PDZD2: variants seen among roughly 807,000 people sequenced by gnomAD.
PDZD2 encodes the protein PDZ domain-containing protein 2.
PDZD2 carries 90 observed loss-of-function variants against 220.7 expected under a neutral mutation model. That is an observed-to-expected ratio of 0.41 (90% CI 0.34 to 0.49). PDZD2 has a LOEUF of 0.49. Ranked by LOEUF, PDZD2 falls within the 20% of genes least tolerant of loss-of-function variation. The probability of loss-of-function intolerance (pLI) is 0.28; values close to 1 mark genes in which losing one functional copy is unlikely to be tolerated. For synonymous variants in PDZD2, 1,375 were observed against 1,450.5 expected, an observed-to-expected ratio of 0.95 and a Z score of 1.18; for missense variants, 3,174 against 3,608.5, an observed-to-expected ratio of 0.88 and a Z score of 3.08.
chr5:31,851,084 G>C (rs1392878239), intron 2 of PDZD2, among the ~76,000 whole-genome samples: 2 of 151,812 alleles, frequency 1.3e-5, no homozygotes, highest in Non-Finnish European at 2.9e-5. Context: ...TTTCACTCTA[G>C]ACTAAACAAC....
chr5:31,815,572 T>TAAA (rs1755399073), intron 2 of PDZD2, among the ~76,000 whole-genome samples: 1 of 152,182 alleles, frequency 6.6e-6, no homozygotes, highest in South Asian at 2.1e-4. Flanking sequence ...GTCTCTATCT[T>TAAA]AATGTTAACG....
intron 1 of PDZD2, among the ~76,000 whole-genome samples, chr5:31,663,245 G>GA (rs1745853813): frequency 6.6e-6 from 1 of 152,174 alleles, no homozygotes; most frequent in Non-Finnish European, 1.5e-5. Context: ...CACTGATGAT[G>GA]ATTTCTTCCT....
At chr5:31,908,535 C>A (rs897385388) in intron 2 of PDZD2, 2 of 1,058,830 alleles carry the variant, frequency 1.9e-6, no homozygotes, top group African/African-American at 1.6e-5. Context: ...AGGGCGAGGG[C>A]ACGGAAAGCA....
At chr5:32,007,056 C>G (rs940237182) in intron 5 of PDZD2, among the ~76,000 whole-genome samples, 2 of 151,990 alleles carry the variant, frequency 1.3e-5, no homozygotes, top group African/African-American at 2.4e-5. Flanking sequence ...GCAGGGACTA[C>G]AGGCGCCCGC....
chr5:31,752,424 C>T (rs1033939344), intron 1 of PDZD2, among the ~76,000 whole-genome samples: 1 of 152,038 alleles, frequency 6.6e-6, no homozygotes, highest in African/African-American at 2.4e-5. Context: ...TGGTGGACAC[C>T]TGTAGTCGCA....
chr5:31,847,546 TCTG>T (rs1178725324), intron 2 of PDZD2: 1 of 691,814 alleles, frequency 1.4e-6, no homozygotes, highest in Non-Finnish European at 2.6e-6. Flanking sequence ...GCTGACAAAT[TCTG>T]CTGCAGCATA....
chr5:31,876,428 T>C (rs999063663), intron 2 of PDZD2, among the ~76,000 whole-genome samples: 3 of 151,786 alleles, frequency 2.0e-5, no homozygotes, highest in African/African-American at 7.3e-5. Flanking sequence ...AAGTACCTGG[T>C]GTTATAGGTG....
At chr5:31,817,325 C>A (rs1755528701) in intron 2 of PDZD2, among the ~76,000 whole-genome samples, 1 of 151,718 alleles carries the variant, frequency 6.6e-6, no homozygotes, top group African/African-American at 2.4e-5. Context: ...GAAACCCTGT[C>A]TCTACTAAAA....
Position 31,648,130 on chromosome 5 carries a change from C to A in PDZD2, c.-361+8693C>A, listed in dbSNP as rs145344672. Among the ~76,000 whole-genome samples the A allele has an allele frequency of 7.9e-5, 12 of 152,290 alleles. No individual in the cohort carries two copies. The East Asian group carries it at 2.3e-3, about 29-fold the overall frequency. ...TGTTTTATGCTCTTGACCTGGGACT[C>A]GTCCTTGGATCCTCTTTTTTGGCTA... On this transcript the variant is annotated intron_variant, in intron 1 of 24. Transcript: ENST00000438447.
chr5:31,828,815 TAA>T (rs1756383450), intron 2 of PDZD2, among the ~76,000 whole-genome samples: 1 of 152,274 alleles, frequency 6.6e-6, no homozygotes, highest in South Asian at 2.1e-4. Flanking sequence ...ATATCTATTT[TAA>T]TTCTTTACCC....
chr5:31,888,690 A>G (rs1258107316), intron 2 of PDZD2, among the ~76,000 whole-genome samples: 1 of 152,162 alleles, frequency 6.6e-6, no homozygotes, highest in Admixed American at 6.5e-5. Flanking sequence ...GAGGGTAATC[A>G]ATAACCAACT....
In PDZD2 at chr5:31,739,881, A is replaced by G. The variant is rs530945046; in HGVS notation, c.-360-59008A>G. Among the ~76,000 whole-genome samples, 6 of 152,314 alleles carry G rather than the reference A, an allele frequency of 3.9e-5. No homozygotes were observed. The South Asian group carries it at 1.2e-3, about 32-fold the overall frequency. The stretch of plus-strand genomic sequence containing the variant: ...GATGAGAGGAAAGAAGAGGAGCATT[A>G]TTGTGGTGATGAAGGACTCTGGTGA... On this transcript the variant is annotated intron_variant, in intron 1 of 24. Transcript: ENST00000438447.
chr5:32,093,314 T>C (rs1743348347), intron 21 of PDZD2, among the ~76,000 whole-genome samples: 1 of 152,200 alleles, frequency 6.6e-6, no homozygotes, highest in South Asian at 2.1e-4. Flanking sequence ...GTGTGGAGTT[T>C]GTTTGCAGAG....
At chr5:31,714,793 T>A (rs535543184) in intron 1 of PDZD2, among the ~76,000 whole-genome samples, 1 of 152,216 alleles carries the variant, frequency 6.6e-6, no homozygotes, top group South Asian at 2.1e-4. Context: ...GCGCAGTTGC[T>A]CACGCCTGTA....
At chr5:31,702,582 C>T (rs1004680481) in intron 1 of PDZD2, among the ~76,000 whole-genome samples, 2 of 152,188 alleles carry the variant, frequency 1.3e-5, no homozygotes, top group South Asian at 2.1e-4. Flanking sequence ...AAAGTCTGCC[C>T]TACTGATCTT....
intron 1 of PDZD2, among the ~76,000 whole-genome samples, chr5:31,653,470 G>A (rs1037298058): frequency 6.6e-6 from 1 of 152,146 alleles, no homozygotes; most frequent in East Asian, 1.9e-4. Flanking sequence ...GATCCCCATA[G>A]TCTGAAATAG....
At chr5:32,053,743 T>G (rs756405407) in intron 9 of PDZD2, 26 bp from the exon 10 acceptor site, 6 of 1,267,496 alleles carry the variant, frequency 4.7e-6, no homozygotes, top group Non-Finnish European at 5.8e-6. Context: ...ACTGTCAACC[T>G]GGACTCTCAT....
At chr5:31,911,063 A>G (rs1581057926) in intron 2 of PDZD2, among the ~76,000 whole-genome samples, 3 of 152,324 alleles carry the variant, frequency 2.0e-5, no homozygotes, top group South Asian at 2.1e-4. Flanking sequence ...GGTTCATAAT[A>G]TAATTTGTAC....
intron 7 of PDZD2, among the ~76,000 whole-genome samples, chr5:32,040,572 G>T (rs1238961865): frequency 6.7e-6 from 1 of 150,100 alleles, no homozygotes; most frequent in Non-Finnish European, 1.5e-5. Context: ...GAGATGAGGA[G>T]CGCCTCTGCC....
Sources: allele counts gnomAD v4.1 joint callset (sites outside exome capture counted in the v4.1 genomes callset), GRCh38; gene constraint gnomAD v4.1.1; transcripts MANE v1.5; gene names NCBI Gene and HGNC (gene_info 2026-07-23, HGNC 2026-07-21).